The following GRIN2A variants were observed in gnomAD, a reference collection of about 807,000 sequenced individuals.
GRIN2A encodes glutamate receptor ionotropic, NMDA 2A.
A neutral mutation model predicts 113.4 loss-of-function variants in GRIN2A; 22 were observed. The ratio of observed to expected loss-of-function variants is 0.19; its 90% CI spans 0.14 to 0.28. GRIN2A has a LOEUF of 0.28. Among genes scored for constraint, GRIN2A ranks in the 10% least tolerant of loss-of-function variants. GRIN2A has a pLI of 1.00. For missense variants in GRIN2A, 1,502 were observed against 1,887.0 expected (o/e 0.80, Z 3.78); for synonymous variants, 827 against 738.4 (o/e 1.12, Z -1.94).
chr16:9,884,750 CTTTT>C (rs34469635), intron 4 of GRIN2A, among the ~76,000 whole-genome samples: 5 of 125,304 alleles, frequency 4.0e-5, no homozygotes, highest in Non-Finnish European at 3.3e-5. Context: ...TAGAGAATTT[CTTTT>C]TTTTTTTTTT....
chr16:10,112,838 G>C (rs1421226911), intron 2 of GRIN2A: 5 of 604,776 alleles, frequency 8.3e-6, no homozygotes, highest in Non-Finnish European at 1.6e-5. Flanking sequence ...CCCAGATCGA[G>C]GGTGGCGTCC....
At chr16:10,048,983 AG>A (rs2141979718) in intron 2 of GRIN2A, among the ~76,000 whole-genome samples, 1 of 152,328 alleles carries the variant, frequency 6.6e-6, no homozygotes, top group African/African-American at 2.4e-5. Flanking sequence ...TTCATGCATC[AG>A]AAACTTGCTG....
intron 4 of GRIN2A, among the ~76,000 whole-genome samples, chr16:9,857,239 G>A (rs1014887019): frequency 6.6e-6 from 1 of 152,124 alleles, no homozygotes; most frequent in African/African-American, 2.4e-5. Flanking sequence ...CAGCTATCAG[G>A]ATGGAACAGA....
At chr16:9,896,011 C>G (rs919862327) in intron 3 of GRIN2A, among the ~76,000 whole-genome samples, 1 of 151,776 alleles carries the variant, frequency 6.6e-6, no homozygotes, top group East Asian at 1.9e-4. Context: ...CTGGGGAGAG[C>G]CATTCACAAG....
intron 2 of GRIN2A, among the ~76,000 whole-genome samples, chr16:10,044,898 A>G (rs1431244592): frequency 6.6e-6 from 1 of 152,134 alleles, no homozygotes; most frequent in Non-Finnish European, 1.5e-5. Context: ...TTGTAGATAA[A>G]TGTGTGACAA....
intron 2 of GRIN2A, chr16:10,112,772 G>C (rs1051430160): frequency 1.4e-6 from 1 of 707,454 alleles, no homozygotes; most frequent in Non-Finnish European, 2.6e-6. Context: ...CGAGTAACCA[G>C]CATGGCTCCA....
At chr16:9,979,131 C>T (rs1300443967) in intron 2 of GRIN2A, among the ~76,000 whole-genome samples, 2 of 152,126 alleles carry the variant, frequency 1.3e-5, no homozygotes, top group South Asian at 2.1e-4. Flanking sequence ...AAGATTCTAA[C>T]AGGTTTATTT....
chr16:9,992,547 C>T (rs573098973), intron 2 of GRIN2A, among the ~76,000 whole-genome samples: 12 of 152,322 alleles, frequency 7.9e-5, no homozygotes, highest in African/African-American at 1.2e-4. Flanking sequence ...TAACCCGCCT[C>T]GTTTTAGCTC....
At chr16:9,983,489 G>A (rs1281549503) in intron 2 of GRIN2A, among the ~76,000 whole-genome samples, 1 of 150,834 alleles carries the variant, frequency 6.6e-6, no homozygotes, top group Non-Finnish European at 1.5e-5. Flanking sequence ...ACCCAGGCTG[G>A]AGTGCAGTGG....
At chr16:10,039,228 G>T (rs2047096147) in intron 2 of GRIN2A, among the ~76,000 whole-genome samples, 2 of 152,046 alleles carry the variant, frequency 1.3e-5, no homozygotes, top group African/African-American at 4.8e-5. Flanking sequence ...GTTCCTTGGT[G>T]CCAGGGTTTA....
At chr16:10,077,968 C>A (rs558519329) in intron 2 of GRIN2A, among the ~76,000 whole-genome samples, 51 of 152,262 alleles carry the variant, frequency 3.3e-4, no homozygotes, top group African/African-American at 1.1e-3. Flanking sequence ...TAGCCATCCA[C>A]GTGAACCAGG....
intron 4 of GRIN2A, among the ~76,000 whole-genome samples, chr16:9,860,870 T>C (rs2043055685): frequency 1.3e-5 from 2 of 152,178 alleles, no homozygotes; most frequent in Non-Finnish European, 2.9e-5. Context: ...ATGTTCGATA[T>C]AGTATAGTGC....
chr16:9,819,530 A>AG (rs2042242779), intron 10 of GRIN2A, among the ~76,000 whole-genome samples: 1 of 152,106 alleles, frequency 6.6e-6, no homozygotes, highest in African/African-American at 2.4e-5. Flanking sequence ...TGAAAAAAAA[A>AG]AAAAAATTTA....
intron 2 of GRIN2A, among the ~76,000 whole-genome samples, chr16:9,958,784 T>C (rs896334306): frequency 7.9e-5 from 12 of 152,122 alleles, no homozygotes; most frequent in East Asian, 7.7e-4. Flanking sequence ...CCAAGCCACA[T>C]ATAGTATGTG....
Position 10,101,577 on chromosome 16 carries a change from G to GCA in GRIN2A, c.414+78420_414+78421insTG, listed in dbSNP as rs535352648. Among the ~76,000 whole-genome samples, 396 of 140,432 alleles carry GCA rather than the reference G, an allele frequency of 2.8e-3. 2 individuals are homozygous for GCA. The highest frequency in any genetic ancestry group is 0.01 in the African/African-American group (386 of 37,814). 92.1% of individuals were successfully genotyped at this position (140,432 alleles called of 152,430 possible). A position where few individuals can be genotyped will look rare whatever the true frequency, so the allele number is the denominator to read the frequency against. On this transcript the variant is annotated intron_variant, in intron 2 of 12. Transcript: ENST00000330684. ...CCAGAATCCCTGGGGTCATTTAGGT[G>GCA]GTGATGTTGCCAGTTCTTCTCCCCT...
At chr16:9,997,750 G>C (rs1489776831) in intron 2 of GRIN2A, among the ~76,000 whole-genome samples, 1 of 152,132 alleles carries the variant, frequency 6.6e-6, no homozygotes, top group Admixed American at 6.5e-5. Flanking sequence ...TCATGGAGGT[G>C]GGTTTTTCCT....
chr16:10,087,148 G>C (rs775469636), intron 2 of GRIN2A, among the ~76,000 whole-genome samples: 4 of 152,176 alleles, frequency 2.6e-5, no homozygotes. Context: ...TAAATACACA[G>C]CACTGGGGAG....
At chr16:10,022,667 G>A (rs943619403) in intron 2 of GRIN2A, among the ~76,000 whole-genome samples, 2 of 152,174 alleles carry the variant, frequency 1.3e-5, no homozygotes, top group African/African-American at 4.8e-5. Context: ...GCACACAGTT[G>A]ACATTTTGAG....
intron 10 of GRIN2A, among the ~76,000 whole-genome samples, chr16:9,816,516 A>G (rs532900225): frequency 1.3e-5 from 2 of 152,288 alleles, no homozygotes; most frequent in Middle Eastern, 3.4e-3. Context: ...AACACAAACT[A>G]TCCCACTGTG....
Sources: allele counts gnomAD v4.1 joint callset (sites outside exome capture counted in the v4.1 genomes callset), GRCh38; gene constraint gnomAD v4.1.1; transcripts MANE v1.5; gene names NCBI Gene and HGNC (gene_info 2026-07-23, HGNC 2026-07-21).